BCL11B: variants seen among roughly 807,000 people sequenced by gnomAD.
The protein encoded by BCL11B is B-cell lymphoma/leukemia 11B.
BCL11B carries 8 observed loss-of-function variants against 49.9 expected under a neutral mutation model. The observed-to-expected ratio is 0.16, with a 90% CI of 0.09 to 0.29. The LOEUF (loss-of-function observed/expected upper bound fraction) is 0.29, where lower values mean the gene tolerates loss of function less well. Among genes scored for constraint, BCL11B ranks in the 10% least tolerant of loss-of-function variants. The probability of loss-of-function intolerance (pLI) is 1.00; values close to 1 mark genes in which losing one functional copy is unlikely to be tolerated. For missense variants in BCL11B, 1,006 were observed against 1,351.0 expected (o/e 0.74, Z 4.00); for synonymous variants, 739 against 637.4 (o/e 1.16, Z -2.40).
In BCL11B at chr14:99,242,371, G is replaced by A. The variant is rs553341872; in HGVS notation, c.428-10814C>T. Among the ~76,000 whole-genome samples the A allele has an allele frequency of 2.0e-5, 3 of 152,326 alleles. No individual in the cohort carries two copies. The highest frequency in any genetic ancestry group is 1.9e-4 in the East Asian group (1 of 5,180). ...AGGCCCGTCAGGTTGGGAGGGTTAC[G>A]AGTCCAGCCGTGGAGAGGGGAATAT... On this transcript the variant is annotated intron_variant, in intron 2 of 3. Coordinates refer to ENST00000357195, the MANE Select transcript of BCL11B (RefSeq NM_138576.4). This position sits in a 1 kb window ranked among gnomAD's most constrained non-coding sequence, Gnocchi z 4.4.
chr14:99,271,553 G>T lies in BCL11B; in HGVS notation c.-335C>A. 4.9e-6 allele frequency: 1 copy of T among 203,616 alleles called. No individual in the cohort carries two copies. The highest frequency in any genetic ancestry group is 7.0e-5 in the East Asian group (1 of 14,374). The allele number at this position is 203,616 out of a possible 1,614,324, so 12.6% of individuals were successfully genotyped here. A position where few individuals can be genotyped will look rare whatever the true frequency, so the allele number is the denominator to read the frequency against. ...AACTGCTGTTGCTTTCCGCGGACTG[G>T]CTGGTTTCTTTAAAAATATATTCTT... On this transcript the variant is annotated 5_prime_UTR_variant, in exon 1 of 4. Transcript: ENST00000357195.
Position 99,175,116 on chromosome 14 carries a change from G to T in BCL11B, c.1720C>A (p.Pro574Thr). ...CCGCCCCCCGCGCCCGGGACCCCGG[G>T]CACCCCACCACCGCCGTTCTCGCGG... is the stretch of plus-strand genomic sequence containing the variant. ...RNRENGGGGV[P>T]GVPGAGGGAA... Residue 574 changes from proline to threonine, a missense_variant, in exon 4 of 4, where the codon CCC becomes ACC. This residue lies in a region of BCL11B where 443 missense variants were observed against 499.7 expected (regional missense o/e 0.89). Transcript: ENST00000357195. 6.3e-7 allele frequency: 1 copy of T among 1,590,026 alleles called. No homozygotes were observed.
chr14:99,177,543 A>C (rs984007750), intron 3 of BCL11B, among the ~76,000 whole-genome samples: 1 of 149,710 alleles, frequency 6.7e-6, no homozygotes, highest in Admixed American at 6.7e-5. Context: ...CATTGCACTC[A>C]CTAGCTGGGG....
chr14:99,212,480 G>A lies in BCL11B; in HGVS notation c.640+18865C>T, dbSNP rs192640031. ...TTTCACTTCATTCACAAGCGCTCAC[G>A]GACAGCCTCATGGGGGCCAGACCTC... On this transcript the variant is annotated intron_variant, in intron 3 of 3. Coordinates refer to ENST00000357195, the MANE Select transcript of BCL11B (RefSeq NM_138576.4). Among the ~76,000 whole-genome samples the A allele has an allele frequency of 1.1e-4, 16 of 152,236 alleles. No individual in the cohort carries two copies. The East Asian group carries it at 2.3e-3, about 22-fold the overall frequency.
Position 99,184,614 on chromosome 14 carries a change from C to T in BCL11B, c.641-8419G>A, listed in dbSNP as rs2139781157. 6.6e-6 allele frequency among the ~76,000 whole-genome samples: 1 copy of T among 152,182 alleles called. No homozygotes were observed. The highest frequency in any genetic ancestry group is 1.9e-4 in the East Asian group (1 of 5,184). ...CCCAGAGCGTGTGCTGGGGTCCAGA[C>T]TCACAACTGGCTGCCCCTCACACAG... On this transcript the variant is annotated intron_variant, in intron 3 of 3. Coordinates refer to ENST00000357195, the MANE Select transcript of BCL11B (RefSeq NM_138576.4). This position sits in a 1 kb window ranked among gnomAD's most constrained non-coding sequence, Gnocchi z 6.1.
intron 2 of BCL11B, among the ~76,000 whole-genome samples, chr14:99,240,921 G>A (rs965878514): frequency 6.6e-6 from 1 of 152,180 alleles, no homozygotes. Flanking sequence ...TAAAGAAACC[G>A]GCAGCGCAGT....
At chr14:99,216,900 T>C (rs149142359) in intron 3 of BCL11B, among the ~76,000 whole-genome samples, 1 of 147,346 alleles carries the variant, frequency 6.8e-6, no homozygotes, top group East Asian at 2.0e-4. Flanking sequence ...CCATATACAC[T>C]CAGACATATA....
At chr14:99,269,832 C>CGG (rs1566838706) in intron 1 of BCL11B, among the ~76,000 whole-genome samples, 1 of 134,836 alleles carries the variant, frequency 7.4e-6, no homozygotes, top group Non-Finnish European at 1.5e-5. Flanking sequence ...AACCTGCCCG[C>CGG]GGTCTCGATG....
intron 2 of BCL11B, among the ~76,000 whole-genome samples, chr14:99,237,226 CTTTTTTTTTCTTTTTTT>C (rs1888527547): frequency 1.4e-5 from 2 of 139,584 alleles, no homozygotes; most frequent in Non-Finnish European, 3.1e-5. Context: ...TATTTCATTT[CTTTTTTTTTCTTTTTTT>C]TTTTTTTTAG....
At position 99,174,745 on chromosome 14, in the gene BCL11B, C is replaced by A; in HGVS notation, c.2091G>T (p.Pro697=). ...RIKVEKDLEL[P]PAALIPSENV... ...TCTCGGACGGGATGAGCGCGGCGGG[C>A]GGCAGCTCCAGGTCCTTCTCCACCT... The change falls in exon 4 of 4, where the codon CCG becomes CCT. Residue 697 remains proline, a synonymous_variant. Coordinates refer to ENST00000357195, the MANE Select transcript of BCL11B (RefSeq NM_138576.4). The A allele has an allele frequency of 1.3e-6, 2 of 1,522,358 alleles. No individual in the cohort carries two copies. Among genetic ancestry groups the A allele is most frequent in the East Asian group, 2.6e-5 (1 of 37,872 alleles). The allele number at this position is 1,522,358 out of a possible 1,614,324, so 94.3% of individuals were successfully genotyped here.
In BCL11B at chr14:99,184,256, A is replaced by T. The variant is rs556774439; in HGVS notation, c.641-8061T>A. On this transcript the variant is annotated intron_variant, in intron 3 of 3. Transcript: ENST00000357195. This position sits in a 1 kb window ranked among gnomAD's most constrained non-coding sequence, Gnocchi z 6.1. ...CTGCTTCTTGGAATACCTGCCGTTT[A>T]TTCTCTCCCCATAAAATATCTTTTC... Among the ~76,000 whole-genome samples the T allele has an allele frequency of 3.3e-5, 5 of 151,938 alleles. No individual in the cohort carries two copies. The East Asian group carries it at 9.7e-4, about 30-fold the overall frequency.
intron 2 of BCL11B, among the ~76,000 whole-genome samples, chr14:99,245,948 G>T (rs1791576657): frequency 6.6e-6 from 1 of 152,144 alleles, no homozygotes; most frequent in African/African-American, 2.4e-5. Context: ...GACCGACGGG[G>T]GCGGGGGGGA....
intron 3 of BCL11B, among the ~76,000 whole-genome samples, chr14:99,186,558 C>A (rs538174238): frequency 1.1e-4 from 16 of 152,304 alleles, no homozygotes; most frequent in African/African-American, 3.8e-4. Context: ...AGGGAAAGCG[C>A]ATGCCTGGCA....
chr14:99,258,745 T>C (rs1889250176), intron 1 of BCL11B, among the ~76,000 whole-genome samples: 1 of 152,214 alleles, frequency 6.6e-6, no homozygotes, highest in South Asian at 2.1e-4. Flanking sequence ...ACTGTCCTTT[T>C]CTGTTTGTTG....
rs1208582261 is a variant in BCL11B at position 99,176,130 on chromosome 14, G to A, written c.706C>T (p.Leu236=). The change falls in exon 4 of 4, where the codon CTG becomes TTG. Residue 236 remains leucine (L), a synonymous_variant. Coordinates refer to ENST00000357195, the MANE Select transcript of BCL11B (RefSeq NM_138576.4). ...CKQPFNSAWF[L]LQHAQNTHGF... ...TGCGTGTTCTGCGCGTGCTGCAGCA[G>A]GAACCACGCGCTGTTGAAGGGCTGC... is the stretch of plus-strand genomic sequence containing the variant. The A allele has an allele frequency of 2.5e-6, 4 of 1,611,918 alleles. No homozygotes were observed. The Admixed American group carries it at 6.7e-5, about 27-fold the overall frequency.
intron 3 of BCL11B, among the ~76,000 whole-genome samples, chr14:99,218,713 A>T (rs1887925731): frequency 6.6e-6 from 1 of 151,748 alleles, no homozygotes; most frequent in Admixed American, 6.6e-5. Context: ...AGGCATGCAG[A>T]GAAGATTGGA....
At chr14:99,251,156 C>T (rs949697529) in intron 2 of BCL11B, among the ~76,000 whole-genome samples, 3 of 152,108 alleles carry the variant, frequency 2.0e-5, no homozygotes, top group African/African-American at 7.2e-5. Context: ...TGTCCTGACT[C>T]GAGATAATTG....
At chr14:99,200,105 C>T (rs546831853) in intron 3 of BCL11B, among the ~76,000 whole-genome samples, 5 of 151,938 alleles carry the variant, frequency 3.3e-5, no homozygotes, top group Admixed American at 6.5e-5. Flanking sequence ...CAGGGACTCT[C>T]GTCTTTTTTT....
chr14:99,237,966 G>A (rs1232926276), intron 2 of BCL11B, among the ~76,000 whole-genome samples: 8 of 152,044 alleles, frequency 5.3e-5, no homozygotes, highest in Admixed American at 2.0e-4. Flanking sequence ...GGGGCCTCCA[G>A]GAACATGGGC....
Sources: allele counts gnomAD v4.1 joint callset (sites outside exome capture counted in the v4.1 genomes callset), GRCh38; gene constraint gnomAD v4.1.1; regional missense constraint gnomAD v4.1.1; non-coding constraint Gnocchi (gnomAD v3.1); transcripts MANE v1.5; gene names NCBI Gene and HGNC (gene_info 2026-07-23, HGNC 2026-07-21).